The following SLF2 variants were observed in gnomAD, a reference collection of about 807,000 sequenced individuals.
SLF2 encodes the protein SMC5/6 complex localization factor 2.
SLF2 carries 68 observed loss-of-function variants against 124.3 expected under a neutral mutation model. That is an observed-to-expected ratio of 0.55 (90% CI 0.45 to 0.67). The LOEUF is 0.67. Among genes scored for constraint, SLF2 ranks in the 30% least tolerant of loss-of-function variants. The pLI, the probability that SLF2 is intolerant of heterozygous loss-of-function variation, is 0.00. For missense variants in SLF2, 1,246 were observed against 1,373.7 expected (o/e 0.91, Z 1.47); for synonymous variants, 480 against 478.8 (o/e 1.00, Z -0.03).
rs1309793716 is a variant in SLF2, at chr10:100,945,464, C to T, written c.2892C>T (p.Leu964=). 2 of 1,576,598 alleles carry T rather than the reference C, an allele frequency of 1.3e-6. No individual in the cohort carries two copies. ...TTCCTTTAGTAGACTTTCAAAGCCT[C>T]CTGATAAACCTGATGAAAAACATCA... ...KQIPLVDFQS[L]LINLMKNIRD... Residue 964 remains leucine (L), a synonymous_variant, in exon 13 of 20, where the codon CTC becomes CTT. Coordinates refer to ENST00000238961, the MANE Select transcript of SLF2 (RefSeq NM_018121.4).
chr10:100,961,954 A>G lies in SLF2; in HGVS notation c.*42A>G, dbSNP rs775849987. 1.3e-5 allele frequency: 21 copies of G among 1,569,354 alleles called. No homozygotes were observed. The highest frequency in any genetic ancestry group is 5.1e-5 in the Admixed American group (3 of 59,126). On this transcript the variant is annotated 3_prime_UTR_variant, in exon 20 of 20. Transcript: ENST00000238961. ...AAAAATATGAACCAAGAGAAATTCA[A>G]TAAGAGCCTTTCATAGAGGAGTAGA... is the stretch of plus-strand genomic sequence containing the variant.
chr10:100,943,176 A>T (rs2133807827), intron 11 of SLF2, among the ~76,000 whole-genome samples: 1 of 152,378 alleles, frequency 6.6e-6, no homozygotes, highest in South Asian at 2.1e-4. Context: ...AGGGCTTATT[A>T]TAAATAACAA....
At chr10:100,940,308 G>T (rs530940178) in intron 11 of SLF2, among the ~76,000 whole-genome samples, 1 of 152,308 alleles carries the variant, frequency 6.6e-6, no homozygotes, top group South Asian at 2.1e-4. Context: ...AGGAATGAGT[G>T]CTGTGTAACA....
At chr10:100,930,945 T>C in intron 8 of SLF2, 31 bp from the exon 9 acceptor site, 1 of 1,544,214 alleles carries the variant, frequency 6.5e-7, no homozygotes, top group Admixed American at 1.7e-5. Flanking sequence ...ATGAAGTTAA[T>C]AGCCATGTTG....
chr10:100,946,273 G>A (rs772079396), intron 13 of SLF2, among the ~76,000 whole-genome samples: 6 of 149,672 alleles, frequency 4.0e-5, no homozygotes, highest in Non-Finnish European at 8.9e-5. Flanking sequence ...CAACTGTTAC[G>A]CTTTTTTAAA....
chr10:100,960,420 C>G (rs1193097991), intron 19 of SLF2, among the ~76,000 whole-genome samples: 2 of 152,208 alleles, frequency 1.3e-5, no homozygotes, highest in Non-Finnish European at 2.9e-5. Flanking sequence ...TCTCCATATT[C>G]TCACCAACAC....
chr10:100,963,160 G>A lies in SLF2; in HGVS notation c.*1248G>A, dbSNP rs576497038. The A allele has an allele frequency of 2.0e-5, 3 of 152,614 alleles. No homozygotes were observed. The highest frequency in any genetic ancestry group is 2.1e-4 in the South Asian group (1 of 4,814). The allele number at this position is 152,614 out of a possible 1,614,324, so 9.5% of individuals were successfully genotyped here. On this transcript the variant is annotated 3_prime_UTR_variant, in exon 20 of 20. Coordinates refer to ENST00000238961, the MANE Select transcript of SLF2 (RefSeq NM_018121.4). ...GAGTGCTCTAGTGTCTCCAGTTGTG[G>A]GGGGGAAAGATGATGGAGGGGAACA...
chr10:100,957,569 C>A (rs1850357196), intron 18 of SLF2, among the ~76,000 whole-genome samples: 1 of 150,712 alleles, frequency 6.6e-6, no homozygotes, highest in African/African-American at 2.4e-5. Flanking sequence ...CTGTGTTGTC[C>A]AGGCTAGTCT....
At chr10:100,921,014 TAATC>T (rs1439417120) in intron 4 of SLF2, among the ~76,000 whole-genome samples, 3 of 152,192 alleles carry the variant, frequency 2.0e-5, no homozygotes, top group Admixed American at 6.5e-5. Context: ...TTAATACACT[TAATC>T]AATTGTCATG....
chr10:100,917,783 C>A (rs1849446231), intron 3 of SLF2, among the ~76,000 whole-genome samples: 1 of 152,132 alleles, frequency 6.6e-6, no homozygotes, highest in African/African-American at 2.4e-5. Flanking sequence ...CCCTATACTG[C>A]CCAGGCTGGC....
chr10:100,944,191 G>GT (rs1850041489), intron 12 of SLF2, 63 bp downstream of exon 12: 38 of 1,140,206 alleles, frequency 3.3e-5, no homozygotes, highest in South Asian at 9.4e-5. Flanking sequence ...GTGGTTAATG[G>GT]TTTTTAAAAA....
intron 4 of SLF2, among the ~76,000 whole-genome samples, chr10:100,922,073 G>A (rs888161892): frequency 5.9e-5 from 9 of 152,036 alleles, no homozygotes; most frequent in Admixed American, 5.9e-4. Flanking sequence ...TGGTTTTGGC[G>A]GGTTTATTTT....
intron 9 of SLF2, among the ~76,000 whole-genome samples, chr10:100,934,578 C>T (rs1849808140): frequency 6.6e-6 from 1 of 151,870 alleles, no homozygotes; most frequent in South Asian, 2.1e-4. Context: ...CAGGTTACTC[C>T]TCCTTACATT....
chr10:100,956,873 C>G (rs1212756182), intron 18 of SLF2, among the ~76,000 whole-genome samples: 2 of 152,102 alleles, frequency 1.3e-5, no homozygotes, highest in Non-Finnish European at 2.9e-5. Flanking sequence ...TTGCAGTGAG[C>G]TATGAACACA....
At chr10:100,936,040 T>C (rs1427801368) in intron 9 of SLF2, among the ~76,000 whole-genome samples, 1 of 151,290 alleles carries the variant, frequency 6.6e-6, no homozygotes, top group Non-Finnish European at 1.5e-5. Context: ...TAAAAATTTT[T>C]TGTAGAGGCG....
In SLF2 at chr10:100,924,806, A is replaced by G; in HGVS notation, c.1805A>G (p.Asp602Gly). Residue 602 changes from aspartate to glycine, a missense_variant, in exon 5 of 20, where the codon GAT becomes GGT. Transcript: ENST00000238961. ...AAAAGAAAACTAAGGGGTGATTTTG[A>G]TAGTGATGAAGAAAGTTTAGGTTAC... Reference protein sequence around the residue: ...ALKRKLRGDFDSDEESLGYNL... With the variant: ...ALKRKLRGDFGSDEESLGYNL... The G allele has an allele frequency of 1.2e-6, 2 of 1,614,216 alleles. No homozygotes were observed. Among genetic ancestry groups the G allele is most frequent in the Non-Finnish European group, 1.7e-6 (2 of 1,180,042 alleles).
At position 100,961,872 on chromosome 10, in the gene SLF2, T is replaced by C. The variant is rs778603951; in HGVS notation, c.3487-5T>C. The stretch of plus-strand genomic sequence containing the variant: ...TACCCTCTTTTTTCTCCTTCCCTTT[T>C]TTAGGGGCAGCTTCATGACTTCTGG... On this transcript the variant is annotated splice_polypyrimidine_tract_variant and splice_region_variant and intron_variant, in intron 19 of 19. Coordinates refer to ENST00000238961, the MANE Select transcript of SLF2 (RefSeq NM_018121.4). 2 of 1,606,816 alleles carry C rather than the reference T, an allele frequency of 1.2e-6. No homozygotes were observed. Among genetic ancestry groups the C allele is most frequent in the Admixed American group, 3.3e-5 (2 of 59,850 alleles).
chr10:100,936,452 G>C (rs866624392), intron 9 of SLF2, among the ~76,000 whole-genome samples: 28 of 152,024 alleles, frequency 1.8e-4, no homozygotes, highest in African/African-American at 6.3e-4. Flanking sequence ...CCCTGCCTCA[G>C]CCTCCCGAGT....
At chr10:100,913,440 T>C in intron 1 of SLF2, 190 bp downstream of exon 1, 1 of 1,327,678 alleles carries the variant, frequency 7.5e-7, no homozygotes, top group Non-Finnish European at 9.6e-7. Flanking sequence ...TTCTCTGTAG[T>C]TGGGCAGCTG....
Sources: allele counts gnomAD v4.1 joint callset (sites outside exome capture counted in the v4.1 genomes callset), GRCh38; gene constraint gnomAD v4.1.1; transcripts MANE v1.5; gene names NCBI Gene and HGNC (gene_info 2026-07-23, HGNC 2026-07-21).